Variants in SERGEF observed in about 807,000 individuals in gnomAD.
SERGEF encodes secretion-regulating guanine nucleotide exchange factor.
Under a neutral mutation model 50.0 loss-of-function variants are expected in SERGEF, and 51 were observed. The ratio of observed to expected loss-of-function variants is 1.02; its 90% CI spans 0.81 to 1.29. The LOEUF is 1.29. Ranked by LOEUF, SERGEF falls within the 50% of genes most tolerant of loss-of-function variation. SERGEF has a pLI of 0.00. For synonymous variants in SERGEF, 205 were observed against 212.4 expected, an observed-to-expected ratio of 0.97 and a Z score of 0.30; for missense variants, 521 against 557.0, an observed-to-expected ratio of 0.94 and a Z score of 0.65.
chr11:17,918,763 T>A (rs1057024275), intron 9 of SERGEF: 4 of 443,266 alleles, frequency 9.0e-6, no homozygotes, highest in Non-Finnish European at 1.8e-5. Context: ...TCCAAGGAGA[T>A]GCCATCTAAA....
In SERGEF at chr11:17,788,718, C is replaced by T. The variant is rs147160271; in HGVS notation, c.1049-305G>A. 1.9e-3 allele frequency among the ~76,000 whole-genome samples: 285 copies of T among 152,320 alleles called. 1 individual carries two copies. Among genetic ancestry groups the T allele is most frequent in the African/African-American group, 6.1e-3 (255 of 41,566 alleles). ...CACATATAATCCATCACCAGACCTA[C>T]TGACTCTGCCTCCAAAAACATCTCA... On this transcript the variant is annotated intron_variant, in intron 10 of 10. Transcript: ENST00000265965.
chr11:17,973,979 T>C (rs1023867717), intron 8 of SERGEF, among the ~76,000 whole-genome samples: 2 of 152,108 alleles, frequency 1.3e-5, no homozygotes, highest in Non-Finnish European at 2.9e-5. Flanking sequence ...GTCCCAGTAA[T>C]TCCAAAGTAG....
At chr11:17,989,794 A>G (rs1044687868) in intron 7 of SERGEF, among the ~76,000 whole-genome samples, 5 of 152,194 alleles carry the variant, frequency 3.3e-5, no homozygotes, top group South Asian at 4.1e-4. Flanking sequence ...CTACTCTCTC[A>G]CACAATGGAC....
chr11:17,980,926 G>T (rs953456568), intron 8 of SERGEF, among the ~76,000 whole-genome samples: 15 of 152,180 alleles, frequency 9.9e-5, no homozygotes, highest in Non-Finnish European at 1.9e-4. Flanking sequence ...TTATGTAAAC[G>T]TATTGGCCAG....
chr11:17,838,361 T>C (rs911232563), intron 10 of SERGEF, among the ~76,000 whole-genome samples: 1 of 152,116 alleles, frequency 6.6e-6, no homozygotes, highest in Admixed American at 6.5e-5. Context: ...CTCTGGGCAG[T>C]AGGGAAGAGT....
intron 9 of SERGEF, among the ~76,000 whole-genome samples, chr11:17,883,088 G>A (rs983624929): frequency 3.9e-5 from 6 of 152,084 alleles, no homozygotes; most frequent in Non-Finnish European, 8.8e-5. Flanking sequence ...AGGGACCTCA[G>A]CCTGCGAAGT....
At chr11:17,914,529 C>T (rs1287731549) in intron 9 of SERGEF, among the ~76,000 whole-genome samples, 3 of 152,140 alleles carry the variant, frequency 2.0e-5, no homozygotes, top group Non-Finnish European at 4.4e-5. Context: ...AGTGATCCTC[C>T]AGCCTCAGCC....
At chr11:17,898,090 T>A (rs1477229853) in intron 9 of SERGEF, among the ~76,000 whole-genome samples, 1 of 152,216 alleles carries the variant, frequency 6.6e-6, no homozygotes, top group Non-Finnish European at 1.5e-5. Flanking sequence ...TGAGCATTCA[T>A]GATAATTTAA....
At chr11:17,907,163 CAAAAAAA>C (rs200442630) in intron 9 of SERGEF, among the ~76,000 whole-genome samples, 12 of 116,818 alleles carry the variant, frequency 1.0e-4, no homozygotes, top group South Asian at 6.2e-4. Flanking sequence ...AACTTATGAC[CAAAAAAA>C]AAAAAAAAAA....
intron 10 of SERGEF, among the ~76,000 whole-genome samples, chr11:17,837,510 G>A (rs917999741): frequency 4.0e-5 from 6 of 151,404 alleles, no homozygotes; most frequent in Admixed American, 6.6e-5. Flanking sequence ...CTTGCTTCCT[G>A]TCTCACCATG....
At position 17,995,669 on chromosome 11, in the gene SERGEF, C is replaced by A. The variant is rs969845464; in HGVS notation, c.622+127G>T. On this transcript the variant is annotated intron_variant, in intron 6 of 10. Coordinates refer to ENST00000265965, the MANE Select transcript of SERGEF (RefSeq NM_012139.4). ...AATGCCAGCAAGACTAACAGACCAA[C>A]TAATAGAGAAAGTTAGAGAGACCAA... The A allele has an allele frequency of 1.1e-4, 73 of 668,870 alleles. No homozygotes were observed. In the Admixed American group the frequency reaches 1.6e-3, roughly 15 times the overall value. 41.4% of individuals were successfully genotyped at this position (668,870 alleles called of 1,614,324 possible). A position where few individuals can be genotyped will look rare whatever the true frequency, so the allele number is the denominator to read the frequency against.
rs1024993045 is a variant in SERGEF, at chr11:17,900,141, T to C, written c.1012-21897A>G. 3.1e-4 allele frequency among the ~76,000 whole-genome samples: 47 copies of C among 152,076 alleles called. 1 individual carries two copies. Among genetic ancestry groups the C allele is most frequent in the Admixed American group, 2.7e-3 (41 of 15,272 alleles). On this transcript the variant is annotated intron_variant, in intron 9 of 10. Transcript: ENST00000265965. Reference sequence around the variant, plus strand: ...AAATATCACCAAGGGGCAGTACACATAGTGGCTAATAGTGCAGGGTCTAGA... The same window carrying C: ...AAATATCACCAAGGGGCAGTACACACAGTGGCTAATAGTGCAGGGTCTAGA...
chr11:17,867,588 C>T (rs1851055093), intron 10 of SERGEF, among the ~76,000 whole-genome samples: 1 of 152,190 alleles, frequency 6.6e-6, no homozygotes, highest in Non-Finnish European at 1.5e-5. Flanking sequence ...AGGATAGTGG[C>T]CCTCTTCTCA....
intron 9 of SERGEF, among the ~76,000 whole-genome samples, chr11:17,957,198 CA>C (rs1019471726): frequency 2.0e-5 from 3 of 152,200 alleles, no homozygotes; most frequent in African/African-American, 7.2e-5. Flanking sequence ...ACATCAATGT[CA>C]GGCTCTTAGA....
At chr11:17,993,089 G>C (rs1337200031) in intron 6 of SERGEF, 96 bp from the exon 7 acceptor site, 2 of 958,142 alleles carry the variant, frequency 2.1e-6, no homozygotes, top group Non-Finnish European at 3.2e-6. Context: ...GCGTGGGAGA[G>C]ACTCAGCCAG....
At chr11:17,977,913 T>C (rs1329133681) in intron 8 of SERGEF, among the ~76,000 whole-genome samples, 2 of 152,238 alleles carry the variant, frequency 1.3e-5, no homozygotes, top group Non-Finnish European at 2.9e-5. Context: ...TTCTATTGTT[T>C]ATAAGCCACC....
intron 9 of SERGEF, among the ~76,000 whole-genome samples, chr11:17,900,082 G>A (rs919520152): frequency 6.6e-6 from 1 of 152,210 alleles, no homozygotes; most frequent in Non-Finnish European, 1.5e-5. Context: ...TAGTGGGCTA[G>A]AGTTTGCTTT....
intron 10 of SERGEF, among the ~76,000 whole-genome samples, chr11:17,792,957 A>C (rs1025176202): frequency 6.6e-6 from 1 of 152,182 alleles, no homozygotes; most frequent in Non-Finnish European, 1.5e-5. Context: ...CTACAAGTCA[A>C]ATTTGGTCAT....
chr11:17,829,584 AC>A (rs1381987021), intron 10 of SERGEF, among the ~76,000 whole-genome samples: 5 of 152,224 alleles, frequency 3.3e-5, no homozygotes, highest in African/African-American at 1.2e-4. Flanking sequence ...TAGTAAAATA[AC>A]AGGAGCTGGG....
Sources: gnomAD v4.1 joint callset for allele counts (sites outside exome capture counted in the v4.1 genomes callset) on GRCh38, gnomAD v4.1.1 for gene constraint, MANE v1.5 for transcripts, NCBI Gene and HGNC (gene_info 2026-07-23, HGNC 2026-07-21) for gene names.